Variants in SNAP25 observed in about 807,000 individuals in gnomAD.
SNAP25 encodes synaptosomal-associated protein 25.
SNAP25 carries 3 observed loss-of-function variants against 28.7 expected under a neutral mutation model. The ratio of observed to expected loss-of-function variants is 0.10; its 90% CI spans 0.05 to 0.27. SNAP25 has a LOEUF of 0.27. SNAP25 is among the 10% of genes least tolerant of loss of function. The pLI, the probability that SNAP25 is intolerant of heterozygous loss-of-function variation, is 1.00. For synonymous variants in SNAP25, 61 were observed against 88.1 expected (o/e 0.69, Z 1.72); for missense variants, 117 against 278.7 (o/e 0.42, Z 4.13).
rs147540158 is a variant in SNAP25, at chr20:10,300,264, A to G, written c.552+852A>G. 6.8e-4 allele frequency among the ~76,000 whole-genome samples: 104 copies of G among 152,282 alleles called. 1 individual carries two copies. In the East Asian group the frequency reaches 0.019, roughly 28 times the overall value. ...ACGTTCCTATAAAGAGACCTAGGGC[A>G]CCAAAACCTGATATTCTACAACACA... On this transcript the variant is annotated intron_variant, in intron 7 of 7. Coordinates refer to ENST00000254976, the MANE Select transcript of SNAP25 (RefSeq NM_130811.4).
intron 1 of SNAP25, among the ~76,000 whole-genome samples, chr20:10,222,154 C>A: frequency 6.6e-6 from 1 of 152,214 alleles, no homozygotes; most frequent in South Asian, 2.1e-4. Flanking sequence ...TATAAAATTT[C>A]ATGGTTTTGT....
intron 1 of SNAP25, among the ~76,000 whole-genome samples, chr20:10,234,883 A>C (rs909672319): frequency 6.6e-6 from 1 of 152,202 alleles, no homozygotes; most frequent in African/African-American, 2.4e-5. Flanking sequence ...GTAAAATAAA[A>C]TAACATAAAA....
At chr20:10,264,776 T>C (rs758279768) in intron 1 of SNAP25, among the ~76,000 whole-genome samples, 1 of 152,156 alleles carries the variant, frequency 6.6e-6, no homozygotes, top group East Asian at 1.9e-4. Context: ...TGGGGGACCA[T>C]AAGAAGGACC....
At chr20:10,290,031 C>T (rs914464000) in intron 4 of SNAP25, among the ~76,000 whole-genome samples, 15 of 151,754 alleles carry the variant, frequency 9.9e-5, no homozygotes, top group Admixed American at 3.9e-4. Context: ...CAAGAATAAA[C>T]AGAAATGAGC....
chr20:10,257,079 G>A (rs893467191), intron 1 of SNAP25, among the ~76,000 whole-genome samples: 12 of 152,104 alleles, frequency 7.9e-5, no homozygotes, highest in Non-Finnish European at 1.5e-4. Flanking sequence ...ACTGCATCCT[G>A]GGATTCATTC....
At chr20:10,286,941 T>C (rs999457924) in intron 4 of SNAP25, among the ~76,000 whole-genome samples, 5 of 152,148 alleles carry the variant, frequency 3.3e-5, no homozygotes, top group Admixed American at 6.5e-5. Context: ...TGTGTAACAA[T>C]GTCCCAGGCT....
chr20:10,237,777 T>C (rs768713785), intron 1 of SNAP25, among the ~76,000 whole-genome samples: 8 of 152,252 alleles, frequency 5.3e-5, no homozygotes. Context: ...AGCTTAAAAA[T>C]AACAAAGCTG....
intron 1 of SNAP25, among the ~76,000 whole-genome samples, chr20:10,249,602 C>G (rs1242112532): frequency 1.3e-5 from 2 of 152,084 alleles, no homozygotes; most frequent in African/African-American, 4.8e-5. Context: ...CATGTAGGAC[C>G]AGCTTGGAGC....
At chr20:10,304,881 C>T (rs961850631) in intron 7 of SNAP25, among the ~76,000 whole-genome samples, 1 of 152,090 alleles carries the variant, frequency 6.6e-6, no homozygotes, top group African/African-American at 2.4e-5. Context: ...AACGGATGCT[C>T]ACAACACTTG....
chr20:10,224,165 C>T (rs2062686627), intron 1 of SNAP25, among the ~76,000 whole-genome samples: 1 of 148,284 alleles, frequency 6.7e-6, no homozygotes. Flanking sequence ...AGTCTGACTC[C>T]AGAGATTAAG....
Position 10,275,529 on chromosome 20 carries a change from A to G in SNAP25, c.38A>G (p.Glu13Gly). 2 of 1,605,718 alleles carry G rather than the reference A, an allele frequency of 1.2e-6. No individual in the cohort carries two copies. Among genetic ancestry groups the G allele is most frequent in the Non-Finnish European group, 8.5e-7 (1 of 1,175,588 alleles). ...EDADMRNELEEMQRRADQLAD... is the reference protein window; with the variant it reads ...EDADMRNELEGMQRRADQLAD... ...GCAGACATGCGCAATGAGCTGGAGG[A>G]GATGCAGCGAAGGGCTGACCAGTTG... Residue 13 changes from glutamate (E) to glycine (G), a missense_variant, in exon 2 of 8, where the codon GAG (glutamate) becomes GGG (glycine). Transcript: ENST00000254976.
intron 1 of SNAP25, among the ~76,000 whole-genome samples, chr20:10,270,050 T>G (rs1427931720): frequency 6.6e-6 from 1 of 151,870 alleles, no homozygotes; most frequent in Non-Finnish European, 1.5e-5. Flanking sequence ...GGTCAGGAGT[T>G]CGAAACCAGC....
intron 1 of SNAP25, among the ~76,000 whole-genome samples, chr20:10,264,249 A>G (rs1466861988): frequency 6.6e-6 from 1 of 152,126 alleles, no homozygotes; most frequent in Middle Eastern, 3.2e-3. Context: ...GAAGGGGCAT[A>G]TCAGGGAAGC....
chr20:10,225,262 A>G (rs1435296912), intron 1 of SNAP25, among the ~76,000 whole-genome samples: 1 of 151,670 alleles, frequency 6.6e-6, no homozygotes, highest in Non-Finnish European at 1.5e-5. Flanking sequence ...TCGCCTTGTC[A>G]CAACCTACTG....
In SNAP25 at chr20:10,286,383, G is replaced by A. The variant is rs150074357; in HGVS notation, c.163+1611G>A. Among the ~76,000 whole-genome samples the A allele has an allele frequency of 8.2e-3, 1,255 of 152,262 alleles. 15 individuals are homozygous for A. The highest frequency in any genetic ancestry group is 0.029 in the African/African-American group (1,195 of 41,554). On this transcript the variant is annotated intron_variant, in intron 4 of 7. Transcript: ENST00000254976. ...GTGATAGGTCAAGGGGAGAGCTGCCGGGAGCAGGCAGAGGCAGCCTTCAGA... is the reference window on the plus strand; with the variant it reads ...GTGATAGGTCAAGGGGAGAGCTGCCAGGAGCAGGCAGAGGCAGCCTTCAGA...
At chr20:10,249,209 G>A (rs2063181893) in intron 1 of SNAP25, among the ~76,000 whole-genome samples, 1 of 152,172 alleles carries the variant, frequency 6.6e-6, no homozygotes, top group East Asian at 1.9e-4. Flanking sequence ...TTTACTGGGA[G>A]GTATGTGGAT....
At chr20:10,251,816 C>T (rs1254014856) in intron 1 of SNAP25, among the ~76,000 whole-genome samples, 1 of 152,148 alleles carries the variant, frequency 6.6e-6, no homozygotes, top group East Asian at 1.9e-4. Flanking sequence ...TCATATGTTC[C>T]TCCTAGAAAG....
chr20:10,258,057 C>A (rs554590995), intron 1 of SNAP25, among the ~76,000 whole-genome samples: 3 of 152,180 alleles, frequency 2.0e-5, no homozygotes, highest in East Asian at 3.9e-4. Flanking sequence ...TCTAATGGAC[C>A]CACTCAAGGA....
At chr20:10,304,116 T>C (rs948324877) in intron 7 of SNAP25, among the ~76,000 whole-genome samples, 1 of 152,192 alleles carries the variant, frequency 6.6e-6, no homozygotes, top group Non-Finnish European at 1.5e-5. Context: ...GAATAGTAAG[T>C]GATGAATAGT....
Sources: allele counts gnomAD v4.1 joint callset (sites outside exome capture counted in the v4.1 genomes callset), GRCh38; gene constraint gnomAD v4.1.1; transcripts MANE v1.5; gene names NCBI Gene and HGNC (gene_info 2026-07-23, HGNC 2026-07-21).